ABI2: variants seen among roughly 807,000 people sequenced by gnomAD.
ABI2 encodes the protein abl interactor 2, also known as abelson interactor 2.
Under a neutral mutation model 59.2 loss-of-function variants are expected in ABI2, and 25 were observed. The observed-to-expected ratio is 0.42, with a 90% confidence interval of 0.31 to 0.59. The LOEUF is 0.59. Among genes scored for constraint, ABI2 ranks in the 20% least tolerant of loss-of-function variants. The pLI, the probability that ABI2 is intolerant of heterozygous loss-of-function variation, is 0.14. For missense variants in ABI2, 545 were observed against 681.8 expected (o/e 0.80, Z 2.23); for synonymous variants, 213 against 235.5 (o/e 0.90, Z 0.87).
chr2:203,344,454 C>T (rs577978162), intron 1 of ABI2, among the ~76,000 whole-genome samples: 82 of 152,110 alleles, frequency 5.4e-4, no homozygotes, highest in African/African-American at 1.9e-3. Context: ...CAGTCTCTGC[C>T]TCCTGGGTTC....
intron 1 of ABI2, among the ~76,000 whole-genome samples, chr2:203,365,458 A>G (rs2094281351): frequency 6.6e-6 from 1 of 152,074 alleles, no homozygotes; most frequent in Non-Finnish European, 1.5e-5. Context: ...TCATTATTGT[A>G]TAATTTAAAG....
intron 4 of ABI2, among the ~76,000 whole-genome samples, chr2:203,389,510 C>G (rs1326611557): frequency 1.3e-5 from 2 of 152,150 alleles, no homozygotes; most frequent in Admixed American, 1.3e-4. Flanking sequence ...AGCCTCACTT[C>G]TCTGTATACA....
At chr2:203,349,811 C>T (rs998142560) in intron 1 of ABI2, among the ~76,000 whole-genome samples, 3 of 151,806 alleles carry the variant, frequency 2.0e-5, no homozygotes, top group Non-Finnish European at 2.9e-5. Context: ...ATTTTTCCAC[C>T]TTTTGCCAAT....
intron 1 of ABI2, among the ~76,000 whole-genome samples, chr2:203,347,298 G>A (rs1027362616): frequency 6.6e-6 from 1 of 152,136 alleles, no homozygotes; most frequent in African/African-American, 2.4e-5. Flanking sequence ...CCCAGTTTAT[G>A]CAAGTTTTGT....
At chr2:203,373,789 A>G (rs1456570230) in intron 2 of ABI2, among the ~76,000 whole-genome samples, 1 of 152,140 alleles carries the variant, frequency 6.6e-6, no homozygotes, top group Non-Finnish European at 1.5e-5. Context: ...ATAAAATTGG[A>G]AGTAATTCTT....
rs372995538 is a variant in ABI2, at chr2:203,412,508, C to G, written c.1279+1137C>G. On this transcript the variant is annotated intron_variant, in intron 10 of 11. Coordinates refer to ENST00000261018, the MANE Select transcript of ABI2 (RefSeq NM_001375670.1). ...TAATTTCTGAAAATAGTCTATTTTA[C>G]TTACTTTTGTTTATTGGAAGGTACT... is the stretch of plus-strand genomic sequence containing the variant. 2.6e-5 allele frequency among the ~76,000 whole-genome samples: 4 copies of G among 152,166 alleles called. 1 individual carries two copies. The East Asian group carries it at 5.8e-4, about 22-fold the overall frequency.
At chr2:203,424,769 T>C (rs530647993) in intron 11 of ABI2, among the ~76,000 whole-genome samples, 1 of 152,312 alleles carries the variant, frequency 6.6e-6, no homozygotes, top group African/African-American at 2.4e-5. Flanking sequence ...TGAATACTAA[T>C]TTTGGCAAAA....
intron 8 of ABI2, among the ~76,000 whole-genome samples, chr2:203,400,698 A>T (rs1018288801): frequency 1.3e-5 from 2 of 152,220 alleles, no homozygotes; most frequent in Non-Finnish European, 2.9e-5. Context: ...TAATCCTTAT[A>T]TGACTCCATA....
intron 9 of ABI2, among the ~76,000 whole-genome samples, chr2:203,406,507 G>A (rs919439088): frequency 1.3e-5 from 2 of 152,114 alleles, no homozygotes; most frequent in African/African-American, 4.8e-5. Context: ...TAAAAAAATA[G>A]GAAACAATGT....
intron 1 of ABI2, among the ~76,000 whole-genome samples, chr2:203,352,534 C>A (rs534556223): frequency 6.7e-6 from 1 of 149,062 alleles, no homozygotes; most frequent in Non-Finnish European, 1.5e-5. Context: ...TAGGCTAATA[C>A]GTCTGTGTCT....
At chr2:203,410,088 A>G (rs2097592750) in intron 9 of ABI2, among the ~76,000 whole-genome samples, 1 of 152,042 alleles carries the variant, frequency 6.6e-6, no homozygotes, top group Admixed American at 6.6e-5. Context: ...GCTTCTCTCA[A>G]CTTGATTATC....
intron 8 of ABI2, among the ~76,000 whole-genome samples, 177 bp downstream of exon 8, chr2:203,397,144 G>T (rs1188250605): frequency 6.6e-6 from 1 of 152,076 alleles, no homozygotes; most frequent in Non-Finnish European, 1.5e-5. Flanking sequence ...GAAAATTGAG[G>T]TAAAGTTTCT....
intron 1 of ABI2, among the ~76,000 whole-genome samples, chr2:203,352,185 G>T (rs1169537062): frequency 6.6e-6 from 1 of 152,172 alleles, no homozygotes; most frequent in African/African-American, 2.4e-5. Context: ...GCTGGGTGGG[G>T]TGCTGCCCCC....
intron 1 of ABI2, among the ~76,000 whole-genome samples, chr2:203,360,046 G>T (rs567594855): frequency 6.6e-6 from 1 of 151,894 alleles, no homozygotes; most frequent in Admixed American, 6.6e-5. Flanking sequence ...TTAGCTGGGC[G>T]TGGTGGTGCA....
intron 9 of ABI2, chr2:203,403,326 G>C (rs1246212337): frequency 1.3e-5 from 2 of 154,674 alleles, no homozygotes; most frequent in African/African-American, 4.8e-5. Context: ...GAGAGGGCAA[G>C]AACAAATATT....
intron 1 of ABI2, among the ~76,000 whole-genome samples, chr2:203,362,857 G>T (rs2093712922): frequency 6.7e-6 from 1 of 150,278 alleles, no homozygotes; most frequent in African/African-American, 2.4e-5. Context: ...GTTTTGAGAT[G>T]GTCTCACTCT....
chr2:203,346,606 TCC>T (rs1274590144), intron 1 of ABI2, among the ~76,000 whole-genome samples: 2 of 152,226 alleles, frequency 1.3e-5, no homozygotes, highest in African/African-American at 4.8e-5. Flanking sequence ...TAACTCTTTC[TCC>T]CCCACCACAT....
chr2:203,329,684 CT>C (rs952328119), intron 1 of ABI2, among the ~76,000 whole-genome samples: 87 of 145,066 alleles, frequency 6.0e-4, no homozygotes, highest in South Asian at 3.5e-3. Context: ...TCTTCACAGT[CT>C]TTTTTTTTTT....
At chr2:203,393,590 A>G (rs1207540519) in intron 5 of ABI2, among the ~76,000 whole-genome samples, 3 of 152,100 alleles carry the variant, frequency 2.0e-5, no homozygotes, top group African/African-American at 7.2e-5. Context: ...ATGTAAGGAG[A>G]CTTTGAAGGG....
Sources: allele counts gnomAD v4.1 joint callset (sites outside exome capture counted in the v4.1 genomes callset), GRCh38; gene constraint gnomAD v4.1.1; transcripts MANE v1.5; gene names NCBI Gene and HGNC (gene_info 2026-07-23, HGNC 2026-07-21).